Variants in ZNF786 observed in about 807,000 individuals in gnomAD.
ZNF786 encodes zinc finger protein 786.
In ZNF786, 56 loss-of-function variants were observed where a neutral mutation model predicts 63.1. That is an observed-to-expected ratio of 0.89 (90% CI 0.72 to 1.11). The LOEUF is 1.11. ZNF786 is among the 50% of genes least tolerant of loss of function. ZNF786 has a pLI of 0.00. For synonymous variants in ZNF786, 485 were observed against 406.9 expected (o/e 1.19, Z -2.31); for missense variants, 1,213 against 1,041.8 (o/e 1.16, Z -2.26).
intron 1 of ZNF786, among the ~76,000 whole-genome samples, chr7:149,087,972 G>A (rs1825764025): frequency 6.7e-6 from 1 of 149,742 alleles, no homozygotes; most frequent in African/African-American, 2.5e-5. Context: ...TGTAGAGAGG[G>A]GTCTCACCAT....
intron 2 of ZNF786, among the ~76,000 whole-genome samples, chr7:149,076,048 T>C (rs1340855559): frequency 6.6e-6 from 1 of 152,122 alleles, no homozygotes; most frequent in East Asian, 1.9e-4. Context: ...ACCCTGAATC[T>C]GGTGTACATT....
In ZNF786 at chr7:149,070,238, A is replaced by T; in HGVS notation, c.*185T>A. ...AAAAAAAAAAAAAAAAGAAAGAAAT[A>T]TAATTGGTGATGCTTCTGAAGAGAA... On this transcript the variant is annotated 3_prime_UTR_variant, in exon 4 of 4. Coordinates refer to ENST00000491431, the MANE Select transcript of ZNF786 (RefSeq NM_152411.4). 4.2e-6 allele frequency: 3 copies of T among 722,806 alleles called. No individual in the cohort carries two copies. Among genetic ancestry groups the T allele is most frequent in the Non-Finnish European group, 6.5e-6 (3 of 460,966 alleles). The allele number at this position is 722,806 out of a possible 1,614,324, so 44.8% of individuals were successfully genotyped here.
rs1190190537 is a variant in ZNF786 at position 149,070,167 on chromosome 7, C to A, written c.*256G>T. ...GTCTTTTCCAATATAGCTGGGATCA[C>A]GCCACTGCACTCCAGCCTGGGTGAC... On this transcript the variant is annotated 3_prime_UTR_variant, in exon 4 of 4. Transcript: ENST00000491431. 3 of 364,346 alleles carry A rather than the reference C, an allele frequency of 8.2e-6. No individual in the cohort carries two copies. Among genetic ancestry groups the A allele is most frequent in the Non-Finnish European group, 9.9e-6 (2 of 201,316 alleles). 22.6% of individuals were successfully genotyped at this position (364,346 alleles called of 1,614,324 possible).
chr7:149,081,192 C>A (rs764457307), intron 1 of ZNF786: 7 of 455,826 alleles, frequency 1.5e-5, no homozygotes, highest in South Asian at 1.1e-4. Flanking sequence ...AATCCCAGCA[C>A]TTTGGGAGGC....
intron 2 of ZNF786, among the ~76,000 whole-genome samples, 159 bp downstream of exon 2, chr7:149,080,432 A>G (rs1000100585): frequency 2.0e-5 from 3 of 152,186 alleles, no homozygotes; most frequent in Non-Finnish European, 2.9e-5. Flanking sequence ...AAGATTAACA[A>G]TGTTGACAAA....
intron 1 of ZNF786, 68 bp from the exon 2 acceptor site, chr7:149,080,785 GTTAAT>G: frequency 6.6e-7 from 1 of 1,519,284 alleles, no homozygotes; most frequent in Non-Finnish European, 8.8e-7. Flanking sequence ...CCTTCTCCTT[GTTAAT>G]TTAAAAGACT....
At chr7:149,085,651 A>G (rs1479945413) in intron 1 of ZNF786, among the ~76,000 whole-genome samples, 3 of 151,916 alleles carry the variant, frequency 2.0e-5, no homozygotes, top group Non-Finnish European at 4.4e-5. Context: ...GTAGTTTGAT[A>G]GGAATAGCAA....
intron 2 of ZNF786, among the ~76,000 whole-genome samples, chr7:149,075,601 A>G (rs1025785625): frequency 6.6e-6 from 1 of 150,626 alleles, no homozygotes; most frequent in Non-Finnish European, 1.5e-5. Flanking sequence ...AAAATATACA[A>G]AAACCTGGAT....
intron 2 of ZNF786, among the ~76,000 whole-genome samples, chr7:149,074,800 A>T (rs1442505974): frequency 2.0e-5 from 3 of 151,594 alleles, no homozygotes; most frequent in Non-Finnish European, 4.4e-5. Flanking sequence ...TTGTCCAAAA[A>T]CAAAATGGCT....
chr7:149,071,605 C>G lies in ZNF786; in HGVS notation c.1167G>C (p.Arg389Ser), dbSNP rs1449374452. 6.2e-7 allele frequency: 1 copy of G among 1,600,288 alleles called. No homozygotes were observed. The highest frequency in any genetic ancestry group is 1.3e-5 in the African/African-American group (1 of 74,742). ...GGAAGGGCTTTTCTCCAGTATGCGC[C>G]CTGCAGGGGCTGGCGAGCCTGGCGC... ...PMSARLASPC[R>S]AHTGEKPFQC... Residue 389 changes from arginine (R) to serine (S), a missense_variant, in exon 4 of 4, where the codon AGG becomes AGC. Transcript: ENST00000491431.
chr7:149,080,897 A>C (rs1247860082), intron 1 of ZNF786, among the ~76,000 whole-genome samples, 180 bp from the exon 2 acceptor site: 1 of 152,212 alleles, frequency 6.6e-6, no homozygotes, highest in East Asian at 1.9e-4. Flanking sequence ...GTTAACCACT[A>C]CATCCCCCGC....
chr7:149,085,950 T>C (rs145478909), intron 1 of ZNF786, among the ~76,000 whole-genome samples: 1 of 152,322 alleles, frequency 6.6e-6, no homozygotes, highest in African/African-American at 2.4e-5. Context: ...CAGACTTTGC[T>C]GAAGTTGTTT....
intron 1 of ZNF786, chr7:149,082,481 T>G (rs1419791616): frequency 1.1e-6 from 1 of 872,578 alleles, no homozygotes; most frequent in African/African-American, 1.8e-5. Flanking sequence ...TTTAAAACAC[T>G]CTAATTACAT....
chr7:149,075,496 T>C (rs1301711403), intron 2 of ZNF786, among the ~76,000 whole-genome samples: 1 of 151,964 alleles, frequency 6.6e-6, no homozygotes, highest in Non-Finnish European at 1.5e-5. Context: ...TACCCCACCC[T>C]GGAGTCTCAA....
In ZNF786 at chr7:149,070,818, C is replaced by T; in HGVS notation, c.1954G>A (p.Glu652Lys). The T allele has an allele frequency of 2.5e-6, 4 of 1,613,846 alleles. No homozygotes were observed. In the South Asian group the frequency reaches 3.3e-5, roughly 13 times the overall value. Residue 652 changes from glutamate (E) to lysine (K), a missense_variant, in exon 4 of 4, where the codon GAG becomes AAG. Coordinates refer to ENST00000491431, the MANE Select transcript of ZNF786 (RefSeq NM_152411.4). Reference protein sequence around the residue: ...LHSGEMPFSCECGKGFVKHSK... With the variant: ...LHSGEMPFSCKCGKGFVKHSK... The stretch of plus-strand genomic sequence containing the variant: ...TGTTTCACAAAGCCCTTGCCGCACT[C>T]ACAGGAGAAAGGCATCTCCCCGCTG...
chr7:149,080,559 A>G, intron 2 of ZNF786, 32 bp downstream of exon 2: 1 of 1,541,222 alleles, frequency 6.5e-7, no homozygotes, highest in Non-Finnish European at 8.7e-7. Context: ...ATCCAGTTCC[A>G]TGACCTACCC....
chr7:149,080,813 A>T (rs941929497), intron 1 of ZNF786, 96 bp from the exon 2 acceptor site: 1 of 1,463,598 alleles, frequency 6.8e-7, no homozygotes, highest in African/African-American at 1.4e-5. Flanking sequence ...TGCAGTGGAC[A>T]AATGTTTTTG....
chr7:149,082,254 A>G (rs540217644), intron 1 of ZNF786, among the ~76,000 whole-genome samples: 3 of 152,148 alleles, frequency 2.0e-5, no homozygotes, highest in African/African-American at 7.2e-5. Flanking sequence ...AGACCGTGTG[A>G]TTGTAAGTCT....
At chr7:149,086,557 G>A (rs1413322697) in intron 1 of ZNF786, among the ~76,000 whole-genome samples, 4 of 152,046 alleles carry the variant, frequency 2.6e-5, no homozygotes, top group Admixed American at 2.6e-4. Flanking sequence ...GAACCCAGGA[G>A]GCAGAGATTG....
Sources: allele counts gnomAD v4.1 joint callset (sites outside exome capture counted in the v4.1 genomes callset), GRCh38; gene constraint gnomAD v4.1.1; transcripts MANE v1.5; gene names NCBI Gene and HGNC (gene_info 2026-07-23, HGNC 2026-07-21).